The following RBFOX1 variants were observed in gnomAD, a reference collection of about 807,000 sequenced individuals.
RBFOX1 encodes the protein RNA binding protein fox-1 homolog 1.
A neutral mutation model predicts 57.7 loss-of-function variants in RBFOX1; 8 were observed. That is an observed-to-expected ratio of 0.14 (90% CI 0.08 to 0.25). RBFOX1 has a LOEUF of 0.25. Ranked by LOEUF, RBFOX1 falls within the 10% of genes least tolerant of loss-of-function variation. The pLI, the probability that RBFOX1 is intolerant of heterozygous loss-of-function variation, is 1.00. For synonymous variants in RBFOX1, 326 were observed against 222.4 expected, an observed-to-expected ratio of 1.47 and a Z score of -4.15; for missense variants, 611 against 548.5, an observed-to-expected ratio of 1.11 and a Z score of -1.14.
At chr16:5,989,599 G>A (rs2060351212) in intron 4 of RBFOX1, among the ~76,000 whole-genome samples, 1 of 152,040 alleles carries the variant, frequency 6.6e-6, no homozygotes, top group Admixed American at 6.6e-5. Flanking sequence ...CTGGCGATGT[G>A]GGTGGGGGCA....
At chr16:6,746,227 C>G (rs994648200) in intron 3 of RBFOX1, among the ~76,000 whole-genome samples, 2 of 151,972 alleles carry the variant, frequency 1.3e-5, no homozygotes, top group South Asian at 2.1e-4. Context: ...CAATCAAACC[C>G]CAGCAGGCCT....
chr16:6,741,660 C>T (rs1482150361), intron 3 of RBFOX1, among the ~76,000 whole-genome samples: 4 of 147,126 alleles, frequency 2.7e-5, no homozygotes, highest in Non-Finnish European at 6.0e-5. Context: ...CAGAGCCAGA[C>T]TCAGTCTCAA....
intron 1 of RBFOX1, among the ~76,000 whole-genome samples, chr16:6,035,775 G>T (rs2095357803): frequency 2.0e-5 from 3 of 152,304 alleles, no homozygotes; most frequent in South Asian, 4.2e-4. Flanking sequence ...GAAATGAAAT[G>T]TATTTGCCAC....
At chr16:6,018,968 C>CGCGGCG, upstream of RBFOX1, 1 of 523,268 alleles carries the variant, frequency 1.9e-6, no homozygotes, top group South Asian at 8.3e-5. Context: ...CACGCGTGAC[C>CGCGGCG]GCGGCGGCGG....
chr16:6,725,038 C>T (rs1454437603), intron 3 of RBFOX1, among the ~76,000 whole-genome samples: 3 of 134,326 alleles, frequency 2.2e-5, no homozygotes, highest in South Asian at 4.9e-4. Context: ...TTGGTTTTGG[C>T]TAGCTTTTTT....
At chr16:6,935,531 C>G (rs1457328751) in intron 3 of RBFOX1, among the ~76,000 whole-genome samples, 1 of 152,178 alleles carries the variant, frequency 6.6e-6, no homozygotes, top group Non-Finnish European at 1.5e-5. Flanking sequence ...ATAGATAACT[C>G]ACACTTTCAG....
chr16:7,527,260 T>C (rs1406901460), intron 5 of RBFOX1, among the ~76,000 whole-genome samples: 1 of 152,180 alleles, frequency 6.6e-6, no homozygotes, highest in East Asian at 1.9e-4. Context: ...CCATGTATTC[T>C]CTGCAATACA....
intron 4 of RBFOX1, among the ~76,000 whole-genome samples, chr16:7,168,573 G>T (rs1460602349): frequency 6.6e-6 from 1 of 151,740 alleles, no homozygotes; most frequent in African/African-American, 2.4e-5. Context: ...GAAGAAAGAA[G>T]TTAGAAGGGT....
At chr16:7,017,266 A>C (rs545687740) in intron 3 of RBFOX1, among the ~76,000 whole-genome samples, 1 of 152,216 alleles carries the variant, frequency 6.6e-6, no homozygotes, top group East Asian at 1.9e-4. Flanking sequence ...TGCTCTGCCA[A>C]GGCCCAAGTA....
At chr16:6,843,809 A>G (rs755326690) in intron 3 of RBFOX1, among the ~76,000 whole-genome samples, 1 of 152,210 alleles carries the variant, frequency 6.6e-6, no homozygotes, top group Non-Finnish European at 1.5e-5. Context: ...AGAAATAACA[A>G]AAACAAGATT....
intron 4 of RBFOX1, among the ~76,000 whole-genome samples, chr16:5,916,524 G>A (rs2058707272): frequency 6.6e-6 from 1 of 152,104 alleles, no homozygotes; most frequent in Admixed American, 6.5e-5. Flanking sequence ...TTTTGTAGGG[G>A]CCTATGTGCC....
At chr16:7,002,966 A>C (rs1037340573) in intron 3 of RBFOX1, among the ~76,000 whole-genome samples, 5 of 152,078 alleles carry the variant, frequency 3.3e-5, no homozygotes, top group African/African-American at 1.2e-4. Flanking sequence ...GATGAGGTCA[A>C]CATTTTATTA....
At position 6,164,469 on chromosome 16, in the gene RBFOX1, AT is replaced by A. The variant is rs35070328; in HGVS notation, c.-127+144492del. Among the ~76,000 whole-genome samples, 608 of 137,582 alleles carry A rather than the reference AT, an allele frequency of 4.4e-3. 5 individuals carry two copies. Among genetic ancestry groups the A allele is most frequent in the African/African-American group, 0.01 (384 of 37,106 alleles). The allele number at this position is 137,582 out of a possible 152,430, so 90.3% of individuals were successfully genotyped here. On this transcript the variant is annotated intron_variant, in intron 1 of 15. Coordinates refer to ENST00000550418, the MANE Select transcript of RBFOX1 (RefSeq NM_018723.4). ...AGTTCTTTTTTGCATTGTTATATTGATTTTTTTTTTTTTTTGAGATGTAGTC... is the reference window on the plus strand; with the variant it reads ...AGTTCTTTTTTGCATTGTTATATTGATTTTTTTTTTTTTTGAGATGTAGTC...
At chr16:7,427,323 G>A (rs2098630326) in intron 4 of RBFOX1, among the ~76,000 whole-genome samples, 1 of 152,102 alleles carries the variant, frequency 6.6e-6, no homozygotes, top group Non-Finnish European at 1.5e-5. Context: ...TGTAGGACGG[G>A]GCCAAGTAAT....
chr16:5,895,908 T>C (rs1253624438), intron 4 of RBFOX1, among the ~76,000 whole-genome samples: 5 of 152,194 alleles, frequency 3.3e-5, no homozygotes, highest in Non-Finnish European at 7.3e-5. Context: ...GAGGCACATT[T>C]CTAAATCAAA....
chr16:7,383,551 T>C (rs1343853769), intron 4 of RBFOX1, among the ~76,000 whole-genome samples: 1 of 152,280 alleles, frequency 6.6e-6, no homozygotes. Flanking sequence ...GGAAATACTT[T>C]CCTGACATAT....
At chr16:6,517,355 T>C (rs1359671195) in intron 2 of RBFOX1, among the ~76,000 whole-genome samples, 1 of 152,188 alleles carries the variant, frequency 6.6e-6, no homozygotes, top group Non-Finnish European at 1.5e-5. Flanking sequence ...TACATCTGTG[T>C]TTGGGGCAAA....
intron 12 of RBFOX1, among the ~76,000 whole-genome samples, chr16:7,654,697 C>T (rs1413813320): frequency 1.3e-5 from 2 of 152,142 alleles, no homozygotes; most frequent in Admixed American, 6.6e-5. Context: ...TAGTCTGTCC[C>T]TCTTTTAAGG....
At chr16:6,995,275 G>T (rs17141986) in intron 3 of RBFOX1, among the ~76,000 whole-genome samples, 1 of 146,074 alleles carries the variant, frequency 6.8e-6, no homozygotes, top group African/African-American at 2.6e-5. Context: ...AAATGACTAT[G>T]ATCTGAAAGT....
Sources: allele counts gnomAD v4.1 joint callset (sites outside exome capture counted in the v4.1 genomes callset), GRCh38; gene constraint gnomAD v4.1.1; transcripts MANE v1.5; gene names NCBI Gene and HGNC (gene_info 2026-07-23, HGNC 2026-07-21).